The following SNX29 variants were observed in gnomAD, a reference collection of about 807,000 sequenced individuals.
The protein encoded by SNX29 is sorting nexin-29.
Under a neutral mutation model 102.1 loss-of-function variants are expected in SNX29, and 78 were observed. The observed-to-expected ratio is 0.76, with a 90% confidence interval of 0.64 to 0.92. The LOEUF is 0.92. SNX29 is among the 40% of genes least tolerant of loss of function. The pLI is 0.00. For synonymous variants in SNX29, 580 were observed against 414.5 expected (o/e 1.40, Z -4.85); for missense variants, 1,280 against 1,061.7 (o/e 1.21, Z -2.86).
At chr16:12,056,107 C>G (rs1406317353) in intron 8 of SNX29, among the ~76,000 whole-genome samples, 3 of 152,180 alleles carry the variant, frequency 2.0e-5, no homozygotes, top group Non-Finnish European at 4.4e-5. Flanking sequence ...GTATTGAACT[C>G]CTGAGCTCAA....
chr16:12,568,263 C>G (rs532062358), intron 20 of SNX29, among the ~76,000 whole-genome samples: 8 of 148,190 alleles, frequency 5.4e-5, no homozygotes, highest in African/African-American at 2.0e-4. Context: ...TGAGCTAGCT[C>G]AGACTCACAG....
chr16:12,518,874 C>T (rs937834265), intron 19 of SNX29, among the ~76,000 whole-genome samples: 3 of 152,208 alleles, frequency 2.0e-5, no homozygotes, highest in Non-Finnish European at 4.4e-5. Context: ...TACTGCAGGT[C>T]TCTGACAGCC....
intron 20 of SNX29, among the ~76,000 whole-genome samples, chr16:12,560,602 A>C (rs1247801826): frequency 1.3e-5 from 2 of 152,186 alleles, no homozygotes; most frequent in Non-Finnish European, 2.9e-5. Context: ...CTCATAAAGC[A>C]GCAAGCAACA....
At chr16:12,359,550 C>T (rs1176975271) in intron 16 of SNX29, among the ~76,000 whole-genome samples, 1 of 152,120 alleles carries the variant, frequency 6.6e-6, no homozygotes, top group Admixed American at 6.6e-5. Flanking sequence ...CATATCTGCT[C>T]CTAGTCTTTG....
chr16:12,452,168 G>A (rs975649613), intron 18 of SNX29, among the ~76,000 whole-genome samples: 1 of 152,252 alleles, frequency 6.6e-6, no homozygotes, highest in African/African-American at 2.4e-5. Context: ...AGTTCTAGCT[G>A]AGTGGCCCTG....
intron 14 of SNX29, among the ~76,000 whole-genome samples, chr16:12,218,043 G>C (rs2077371384): frequency 6.6e-6 from 1 of 152,158 alleles, no homozygotes; most frequent in South Asian, 2.1e-4. Context: ...AATTATGACA[G>C]TTGACATCCA....
intron 14 of SNX29, among the ~76,000 whole-genome samples, chr16:12,211,031 T>G (rs774405986): frequency 6.6e-6 from 1 of 152,168 alleles, no homozygotes; most frequent in Non-Finnish European, 1.5e-5. Flanking sequence ...TGAGGCTTCA[T>G]AAGCTGTTTT....
chr16:12,240,590 T>TTC (rs1406179035), intron 14 of SNX29, among the ~76,000 whole-genome samples: 1 of 109,776 alleles, frequency 9.1e-6, no homozygotes, highest in Non-Finnish European at 1.8e-5. Context: ...CATTTCTTTT[T>TTC]TTTTTTTTTT....
At chr16:12,443,560 C>T (rs1006863988) in intron 18 of SNX29, among the ~76,000 whole-genome samples, 6 of 152,192 alleles carry the variant, frequency 3.9e-5, no homozygotes, top group African/African-American at 1.2e-4. Context: ...AAGCGATTCT[C>T]CTGCCTCAGC....
intron 19 of SNX29, among the ~76,000 whole-genome samples, chr16:12,501,990 G>C (rs1229076076): frequency 6.6e-6 from 1 of 152,144 alleles, no homozygotes; most frequent in Non-Finnish European, 1.5e-5. Flanking sequence ...TATAGGGTCA[G>C]GGACCTTCTC....
intron 14 of SNX29, among the ~76,000 whole-genome samples, chr16:12,270,353 ATC>A (rs1302472879): frequency 3.9e-5 from 6 of 152,136 alleles, no homozygotes; most frequent in Non-Finnish European, 7.4e-5. Flanking sequence ...TGGTGTTGTC[ATC>A]TGTTATTTTT....
chr16:12,517,979 A>G (rs77190082), intron 19 of SNX29, among the ~76,000 whole-genome samples: 49 of 151,744 alleles, frequency 3.2e-4, no homozygotes, highest in East Asian at 7.8e-4. Context: ...ACATATTACA[A>G]TGTTGGTGAG....
At chr16:12,297,859 C>T (rs2080035001) in intron 15 of SNX29, among the ~76,000 whole-genome samples, 1 of 152,132 alleles carries the variant, frequency 6.6e-6, no homozygotes, top group Non-Finnish European at 1.5e-5. Context: ...TTTTCCCCTC[C>T]AGGAAGTGGA....
At chr16:12,008,432 G>T (rs547731503) in intron 3 of SNX29, among the ~76,000 whole-genome samples, 1 of 151,742 alleles carries the variant, frequency 6.6e-6, no homozygotes, top group Non-Finnish European at 1.5e-5. Flanking sequence ...ACCATGCCTG[G>T]CTAATTTTGT....
chr16:12,340,516 G>A (rs1465302915), intron 15 of SNX29, among the ~76,000 whole-genome samples: 2 of 152,338 alleles, frequency 1.3e-5, no homozygotes, highest in East Asian at 3.9e-4. Flanking sequence ...AATGGGAAGA[G>A]CATGGTTTTG....
intron 15 of SNX29, among the ~76,000 whole-genome samples, chr16:12,300,404 GTTTCTCCAAGCTGTA>G (rs1365348671): frequency 1.3e-5 from 2 of 152,030 alleles, no homozygotes; most frequent in African/African-American, 4.8e-5. Flanking sequence ...CAGCTTGGTG[GTTTCTCCAAGCTGTA>G]TATTTTACTC....
At position 12,571,113 on chromosome 16, in the gene SNX29, T is replaced by C. The variant is rs1175664682; in HGVS notation, c.*2484T>C. ...CCGAAGCCTTCCCTTTGGAATCCCA[T>C]AGAATGTTCTGCAATGATTGGGTCC... On this transcript the variant is annotated 3_prime_UTR_variant, in exon 21 of 21. Coordinates refer to ENST00000566228, the MANE Select transcript of SNX29 (RefSeq NM_032167.5). 1.7e-5 allele frequency: 4 copies of C among 232,220 alleles called. No homozygotes were observed. Among genetic ancestry groups the C allele is most frequent in the African/African-American group, 4.4e-5 (2 of 45,268 alleles). 14.4% of individuals were successfully genotyped at this position (232,220 alleles called of 1,614,324 possible). A position where few individuals can be genotyped will look rare whatever the true frequency, so the allele number is the denominator to read the frequency against.
At chr16:12,205,221 C>G (rs568184454) in intron 14 of SNX29, among the ~76,000 whole-genome samples, 55 of 152,170 alleles carry the variant, frequency 3.6e-4, no homozygotes, top group Non-Finnish European at 4.3e-4. Context: ...GCAGGCATCC[C>G]TATGTGCACG....
chr16:12,149,739 A>C (rs998461024), intron 13 of SNX29, among the ~76,000 whole-genome samples: 1 of 152,186 alleles, frequency 6.6e-6, no homozygotes, highest in Non-Finnish European at 1.5e-5. Flanking sequence ...ATGCAGGTAA[A>C]GAAGTGTGGG....
Sources: allele counts gnomAD v4.1 joint callset (sites outside exome capture counted in the v4.1 genomes callset), GRCh38; gene constraint gnomAD v4.1.1; transcripts MANE v1.5; gene names NCBI Gene and HGNC (gene_info 2026-07-23, HGNC 2026-07-21).